Variants in FOCAD observed in about 807,000 individuals in gnomAD.
FOCAD encodes the protein focadhesin.
In FOCAD, 198 loss-of-function variants were observed where a neutral mutation model predicts 225.6. The ratio of observed to expected loss-of-function variants is 0.88; its 90% CI spans 0.78 to 0.99. FOCAD has a LOEUF of 0.99. Ranked by LOEUF, FOCAD falls within the 50% of genes least tolerant of loss-of-function variation. The pLI is 0.00. For synonymous variants in FOCAD, 897 were observed against 755.0 expected (o/e 1.19, Z -3.08); for missense variants, 2,713 against 2,123.6 (o/e 1.28, Z -5.46).
At chr9:20,908,199 C>T (rs911063815) in intron 22 of FOCAD, among the ~76,000 whole-genome samples, 2 of 151,860 alleles carry the variant, frequency 1.3e-5, no homozygotes, top group African/African-American at 4.8e-5. Context: ...AGGAGAAATC[C>T]GATGTTACTG....
chr9:20,991,666 A>G (rs939388088), intron 42 of FOCAD, among the ~76,000 whole-genome samples: 20 of 152,250 alleles, frequency 1.3e-4, no homozygotes, highest in Middle Eastern at 3.4e-3. Context: ...TGCAAGAATT[A>G]GACGAGTGTG....
intron 2 of FOCAD, among the ~76,000 whole-genome samples, chr9:20,660,911 G>A (rs1167139587): frequency 6.6e-6 from 1 of 152,072 alleles, no homozygotes; most frequent in African/African-American, 2.4e-5. Flanking sequence ...AGAGCAATTT[G>A]GGCAAAAATT....
At chr9:20,913,085 A>C (rs1194754365) in intron 23 of FOCAD, 131 bp downstream of exon 23, 1 of 649,024 alleles carries the variant, frequency 1.5e-6, no homozygotes, top group Non-Finnish European at 2.7e-6. Context: ...GAAATGACAG[A>C]AGAGCTGATA....
At chr9:20,900,244 T>A (rs1477073284) in intron 21 of FOCAD, among the ~76,000 whole-genome samples, 2 of 151,938 alleles carry the variant, frequency 1.3e-5, no homozygotes, top group Non-Finnish European at 2.9e-5. Flanking sequence ...TCTCCTTTCT[T>A]GGGCACATGC....
At chr9:20,688,948 T>G (rs568601436) in intron 1 of FOCAD, among the ~76,000 whole-genome samples, 1 of 152,332 alleles carries the variant, frequency 6.6e-6, no homozygotes, top group Non-Finnish European at 1.5e-5. Flanking sequence ...TATTTGGATT[T>G]TGTTACGTGC....
At chr9:20,777,840 C>T (rs1431843521) in intron 8 of FOCAD, among the ~76,000 whole-genome samples, 5 of 152,174 alleles carry the variant, frequency 3.3e-5, no homozygotes, top group South Asian at 2.1e-4. Context: ...CGGTGGCTCA[C>T]GCCTGTAATC....
At chr9:20,772,046 C>T (rs146565907) in intron 8 of FOCAD, among the ~76,000 whole-genome samples, 125 of 152,232 alleles carry the variant, frequency 8.2e-4, no homozygotes, top group Non-Finnish European at 1.4e-3. Context: ...GGACACAGTT[C>T]AGCCCATAGT....
chr9:20,726,584 A>G (rs772965925), intron 4 of FOCAD, among the ~76,000 whole-genome samples: 3 of 152,214 alleles, frequency 2.0e-5, no homozygotes, highest in Non-Finnish European at 4.4e-5. Context: ...CTACCTTTTA[A>G]TGAAATTTAG....
chr9:20,953,188 G>A (rs970556848), intron 35 of FOCAD, 123 bp downstream of exon 35: 28 of 731,438 alleles, frequency 3.8e-5, no homozygotes, highest in Middle Eastern at 2.9e-4. Context: ...GAATATTTTC[G>A]TCTGCTAAAC....
chr9:20,929,677 A>G (rs1380220303), intron 27 of FOCAD, 81 bp downstream of exon 27: 4 of 1,129,602 alleles, frequency 3.5e-6, no homozygotes, highest in Non-Finnish European at 5.2e-6. Context: ...ACCTATATAT[A>G]AACATTGTAT....
intron 6 of FOCAD, among the ~76,000 whole-genome samples, chr9:20,762,138 A>G (rs1465285997): frequency 2.0e-5 from 3 of 152,242 alleles, no homozygotes; most frequent in Non-Finnish European, 4.4e-5. Context: ...TAAGCCATCC[A>G]TGGATGCTGT....
chr9:20,748,107 G>A (rs1395231275), intron 5 of FOCAD, among the ~76,000 whole-genome samples: 1 of 151,928 alleles, frequency 6.6e-6, no homozygotes, highest in African/African-American at 2.4e-5. Flanking sequence ...ATCTCCTGAG[G>A]TATAAATGTT....
At chr9:20,826,505 C>CT (rs1336424710) in intron 15 of FOCAD, among the ~76,000 whole-genome samples, 6 of 152,086 alleles carry the variant, frequency 3.9e-5, no homozygotes, top group African/African-American at 1.2e-4. Context: ...GACTGGCTTC[C>CT]TTGCTCCTTA....
intron 42 of FOCAD, among the ~76,000 whole-genome samples, chr9:20,992,832 G>A (rs749470678): frequency 9.9e-5 from 15 of 152,114 alleles, no homozygotes; most frequent in Admixed American, 7.9e-4. Flanking sequence ...GTGTGGTGGT[G>A]TACGCCTATA....
intron 21 of FOCAD, among the ~76,000 whole-genome samples, chr9:20,903,382 TG>T (rs1349910270): frequency 6.6e-6 from 1 of 152,120 alleles, no homozygotes; most frequent in Non-Finnish European, 1.5e-5. Context: ...ATCTCTTTCC[TG>T]GATTGTTGAC....
At chr9:20,927,552 C>A (rs1277723280) in intron 26 of FOCAD, among the ~76,000 whole-genome samples, 1 of 151,688 alleles carries the variant, frequency 6.6e-6, no homozygotes, top group Non-Finnish European at 1.5e-5. Context: ...CCACCTGTTA[C>A]CCATCCTCTG....
chr9:20,687,614 CTT>C (rs924941688), intron 1 of FOCAD, among the ~76,000 whole-genome samples: 4 of 152,118 alleles, frequency 2.6e-5, no homozygotes, highest in African/African-American at 7.2e-5. Flanking sequence ...ATGGAGGAAA[CTT>C]TTTATTAAAT....
intron 5 of FOCAD, among the ~76,000 whole-genome samples, chr9:20,747,243 A>G (rs1828119230): frequency 6.6e-6 from 1 of 152,140 alleles, no homozygotes; most frequent in Admixed American, 6.6e-5. Context: ...AGAGGTGGAA[A>G]TGACTATTAA....
At chr9:20,770,277 A>G in intron 8 of FOCAD, 39 bp downstream of exon 8, 1 of 1,525,916 alleles carries the variant, frequency 6.6e-7, no homozygotes, top group Non-Finnish European at 9.1e-7. Context: ...ATGCATTGCT[A>G]TTAAGAAATA....
Sources: gnomAD v4.1 joint callset for allele counts (sites outside exome capture counted in the v4.1 genomes callset) on GRCh38, gnomAD v4.1.1 for gene constraint, MANE v1.5 for transcripts, NCBI Gene and HGNC (gene_info 2026-07-23, HGNC 2026-07-21) for gene names.